Variants in GRHPR observed in about 807,000 individuals in gnomAD.
The protein encoded by GRHPR is glyoxylate and hydroxypyruvate reductase.
A neutral mutation model predicts 36.8 loss-of-function variants in GRHPR; 35 were observed. That is an observed-to-expected ratio of 0.95 (90% CI 0.73 to 1.26). The LOEUF is 1.26. Ranked by LOEUF, GRHPR falls within the 50% of genes most tolerant of loss-of-function variation. The pLI is 0.00. For synonymous variants in GRHPR, 179 were observed against 181.0 expected, an observed-to-expected ratio of 0.99 and a Z score of 0.09; for missense variants, 380 against 435.0, an observed-to-expected ratio of 0.87 and a Z score of 1.12.
rs1414365606 is a variant in GRHPR at position 37,430,327 on chromosome 9, T to G, written c.599-184T>G. The G allele has an allele frequency of 8.8e-6, 6 of 679,762 alleles. 1 individual carries two copies. The highest frequency in any genetic ancestry group is 6.1e-5 in the Admixed American group (3 of 48,924). The allele number at this position is 679,762 out of a possible 1,614,324, so 42.1% of individuals were successfully genotyped here. On this transcript the variant is annotated intron_variant, in intron 6 of 8. Coordinates refer to ENST00000318158, the MANE Select transcript of GRHPR (RefSeq NM_012203.2). ...CTGAAGGTAGTTAAAGCCAGAGTGG[T>G]CCAGATCCCACTGTGTGTGATTTGA...
At position 37,422,838 on chromosome 9, in the gene GRHPR, G is replaced by A. The variant is rs748854361; in HGVS notation, c.83+5G>A. The stretch of plus-strand genomic sequence containing the variant: ...CGCGCTCGCCCGGGCGGCAGAGTAA[G>A]AGCCTCGCGCGCCGTGGAGGAGGGA... On this transcript the variant is annotated splice_donor_5th_base_variant and intron_variant, in intron 1 of 8. Transcript: ENST00000318158. 1.3e-6 allele frequency: 2 copies of A among 1,584,388 alleles called. No individual in the cohort carries two copies. Among genetic ancestry groups the A allele is most frequent in the East Asian group, 2.3e-5 (1 of 43,264 alleles).
chr9:37,434,362 G>T, intron 8 of GRHPR: 1 of 485,346 alleles, frequency 2.1e-6, no homozygotes. Context: ...GCCCCTGTGG[G>T]GAACAATTCA....
At chr9:37,426,221 CT>C in intron 3 of GRHPR, 6 of 606,304 alleles carry the variant, frequency 9.9e-6, no homozygotes, top group Non-Finnish European at 5.9e-6. Flanking sequence ...CATTCATTAT[CT>C]TTTTTGATCC....
At chr9:37,425,206 CTG>C (rs1290230419) in intron 2 of GRHPR, among the ~76,000 whole-genome samples, 2 of 152,204 alleles carry the variant, frequency 1.3e-5, no homozygotes, top group Admixed American at 6.5e-5. Flanking sequence ...GGTGTGGAGA[CTG>C]TGGGTGTGGG....
chr9:37,431,118 A>C (rs41298174), intron 7 of GRHPR: 70 of 444,114 alleles, frequency 1.6e-4, no homozygotes, highest in Admixed American at 3.5e-4. Flanking sequence ...CACTGTCCCT[A>C]GGGGTGCCTT....
intron 6 of GRHPR, chr9:37,430,228 G>T: frequency 1.8e-6 from 1 of 563,400 alleles, no homozygotes; most frequent in Non-Finnish European, 3.2e-6. Context: ...CCAGCACCTG[G>T]CGGGTCCACA....
At position 37,425,976 on chromosome 9, in the gene GRHPR, TG is replaced by T. The variant is rs1823058034; in HGVS notation, c.271del (p.Asp91MetfsTer17). ...TCTGTGGGCATCGACCACTTGGCTT[TG>T]GATGAAATCAAGAAGCGGTAACTGC... Reference protein sequence around the residue: ...TMSVGIDHLALDEIKKRGIRV... With the variant: ...TMSVGIDHLAXDEIKKRGIRV... On this transcript the variant is annotated frameshift_variant, in exon 3 of 9. Coordinates refer to ENST00000318158, the MANE Select transcript of GRHPR (RefSeq NM_012203.2). LOFTEE classifies it high-confidence loss of function. 6.2e-7 allele frequency: 1 copy of T among 1,612,858 alleles called. No homozygotes were observed. The highest frequency in any genetic ancestry group is 8.5e-7 in the Non-Finnish European group (1 of 1,178,832).
chr9:37,436,636 C>CT (rs72275009), intron 8 of GRHPR, 25 bp from the exon 9 acceptor site: 2 of 850,850 alleles, frequency 2.4e-6, no homozygotes, highest in East Asian at 5.6e-5. Flanking sequence ...TCTTATCTCC[C>CT]TCTCTCTCTC....
intron 5 of GRHPR, 135 bp from the exon 6 acceptor site, chr9:37,429,597 G>A: frequency 1.3e-6 from 1 of 759,278 alleles, no homozygotes; most frequent in East Asian, 2.5e-5. Context: ...ACCCGCTTTG[G>A]AGGAGACAGG....
chr9:37,430,061 C>T (rs568648550), intron 6 of GRHPR: 100 of 591,126 alleles, frequency 1.7e-4, no homozygotes, highest in Admixed American at 1.5e-3. Context: ...CCAGGGCTCC[C>T]GTCTTTCAGA....
Position 37,422,812 on chromosome 9 carries a change from T to C in GRHPR, c.62T>C (p.Val21Ala). Residue 21 changes from valine to alanine, a missense_variant, in exon 1 of 9, where the codon GTC becomes GCC. Val to Ala is a moderately conservative substitution (Grantham distance 64). Coordinates refer to ENST00000318158, the MANE Select transcript of GRHPR (RefSeq NM_012203.2). ...CGCAGGATACCCGCCGAGGGTAGGG[T>C]CGCGCTCGCCCGGGCGGCAGAGTAA... ...VTRRIPAEGR[V>A]ALARAADCEV... 1 of 1,601,312 alleles carries C rather than the reference T, an allele frequency of 6.2e-7. No individual in the cohort carries two copies. The highest frequency in any genetic ancestry group is 8.5e-7 in the Non-Finnish European group (1 of 1,175,408).
chr9:37,427,183 G>A (rs1474167349), intron 4 of GRHPR, among the ~76,000 whole-genome samples: 12 of 152,164 alleles, frequency 7.9e-5, no homozygotes, highest in Non-Finnish European at 8.8e-5. Flanking sequence ...GGTGGGTGAG[G>A]GCTGGCAGGG....
chr9:37,422,854 G>A (rs1173332336), intron 1 of GRHPR, 21 bp downstream of exon 1: 5 of 1,552,372 alleles, frequency 3.2e-6, no homozygotes, highest in Non-Finnish European at 4.4e-6. Flanking sequence ...CGCGCGCCGT[G>A]GAGGAGGGAG....
At chr9:37,425,871 G>A in intron 2 of GRHPR, 51 bp from the exon 3 acceptor site, 1 of 1,224,200 alleles carries the variant, frequency 8.2e-7, no homozygotes, top group Non-Finnish European at 1.2e-6. Flanking sequence ...CAGTGCTGTG[G>A]CTTTGAGTTC....
In GRHPR at chr9:37,432,338, T is replaced by A. The variant is rs182372666; in HGVS notation, c.865+200T>A. ...GTCCTCTTGCGCATGCTCTGCTGGG[T>A]CTCTGTCCCTAAAGGAACAGAATGT... On this transcript the variant is annotated intron_variant, in intron 8 of 8. Transcript: ENST00000318158. The A allele has an allele frequency of 1.0e-4, 61 of 582,972 alleles. No homozygotes were observed. The East Asian group carries it at 2.0e-3, about 19-fold the overall frequency. The allele number at this position is 582,972 out of a possible 1,614,324, so 36.1% of individuals were successfully genotyped here.
At chr9:37,422,582 C>G (rs147451263), upstream of GRHPR, 281 of 661,650 alleles carry the variant, frequency 4.2e-4, 1 homozygote, top group African/African-American at 4.1e-3. Context: ...CGAGCACGCA[C>G]AGTCACCGCT....
At chr9:37,437,125 T>C, downstream of GRHPR, 6 of 347,734 alleles carry the variant, frequency 1.7e-5, no homozygotes, top group South Asian at 1.5e-4. Flanking sequence ...TGCAGTGTGC[T>C]ATAACCACTC....
chr9:37,433,228 A>ATTTTTTTTTTTTTTTTTTTTTTTTTT (rs11345501), intron 8 of GRHPR, among the ~76,000 whole-genome samples: 1 of 97,204 alleles, frequency 1.0e-5, no homozygotes. Flanking sequence ...TGGTTCTCAC[A>ATTTTTTTTTTTTTTTTTTTTTTTTTT]TTTTTTTTTT....
rs1414207941 is a variant in GRHPR, at chr9:37,433,227, CA to C, written c.865+1090del. The stretch of plus-strand genomic sequence containing the variant: ...TGCTACCACAGTGCAGTGGTTCTCA[CA>C]TTTTTTTTTTTTTTTTTTTTTTTGA... On this transcript the variant is annotated intron_variant, in intron 8 of 8. Transcript: ENST00000318158. Among the ~76,000 whole-genome samples the C allele has an allele frequency of 1.6e-4, 21 of 132,632 alleles. 1 individual carries two copies. The highest frequency in any genetic ancestry group is 2.1e-4 in the Non-Finnish European group (13 of 62,698). The allele number at this position is 132,632 out of a possible 152,430, so 87.0% of individuals were successfully genotyped here.
Sources: allele counts gnomAD v4.1 joint callset (sites outside exome capture counted in the v4.1 genomes callset), GRCh38; gene constraint gnomAD v4.1.1; transcripts MANE v1.5; gene names NCBI Gene and HGNC (gene_info 2026-07-23, HGNC 2026-07-21).